The following TRPM3 variants were observed in gnomAD, a reference collection of about 807,000 sequenced individuals.
The protein encoded by TRPM3 is long transient receptor potential channel 3.
Under a neutral mutation model 181.2 loss-of-function variants are expected in TRPM3, and 77 were observed. The ratio of observed to expected loss-of-function variants is 0.42; its 90% CI spans 0.35 to 0.51. TRPM3 has a LOEUF of 0.51. Among genes scored for constraint, TRPM3 ranks in the 20% least tolerant of loss-of-function variants. The pLI is 0.01. For synonymous variants in TRPM3, 745 were observed against 796.4 expected, an observed-to-expected ratio of 0.94 and a Z score of 1.09; for missense variants, 1,759 against 2,196.7, an observed-to-expected ratio of 0.80 and a Z score of 3.98.
chr9:71,274,657 G>C (rs563656141), intron 1 of TRPM3, among the ~76,000 whole-genome samples: 1 of 152,296 alleles, frequency 6.6e-6, no homozygotes, highest in East Asian at 1.9e-4. Context: ...TTCTGAGGAT[G>C]CTTTCTGCAC....
At chr9:70,582,782 TC>T (rs2056228776) in intron 22 of TRPM3, among the ~76,000 whole-genome samples, 1 of 152,210 alleles carries the variant, frequency 6.6e-6, no homozygotes, top group Non-Finnish European at 1.5e-5. Flanking sequence ...ACAGGGCTAT[TC>T]TGAAGAATTT....
At position 70,615,900 on chromosome 9, in the gene TRPM3, TTTC is replaced by T; in HGVS notation, c.2526+5_2526+7del. 1 of 1,595,310 alleles carries T rather than the reference TTTC, an allele frequency of 6.3e-7. No homozygotes were observed. The highest frequency in any genetic ancestry group is 8.5e-7 in the Non-Finnish European group (1 of 1,174,648). ...CCCATAGAGAATAACTGTGCAATGT[TTTC>T]TTACTGTGAGCTCCATGTCCTCTTC... On this transcript the variant is annotated splice_donor_5th_base_variant and intron_variant, in intron 18 of 25. Transcript: ENST00000677713.
intron 24 of TRPM3, among the ~76,000 whole-genome samples, chr9:70,551,761 C>T (rs1438783121): frequency 6.6e-6 from 1 of 152,170 alleles, no homozygotes. Flanking sequence ...CCATGCTCCT[C>T]CACATTGGCT....
At chr9:71,423,977 A>T (rs1412658668) in intron 1 of TRPM3, among the ~76,000 whole-genome samples, 2 of 152,144 alleles carry the variant, frequency 1.3e-5, no homozygotes, top group Non-Finnish European at 2.9e-5. Context: ...GAATGATGTC[A>T]GGCTGGCTGA....
intron 6 of TRPM3, among the ~76,000 whole-genome samples, chr9:70,786,310 C>CCAAAAAAAAAAAAAAAAAAAAA (rs2083577835): frequency 3.6e-5 from 1 of 27,618 alleles, no homozygotes; most frequent in Non-Finnish European, 8.5e-5. Flanking sequence ...ACTAAAAATA[C>CCAAAAAAAAAAAAAAAAAAAAA]CAAAAAAAAA....
intron 6 of TRPM3, among the ~76,000 whole-genome samples, chr9:70,815,035 G>T (rs182969106): frequency 2.1e-3 from 326 of 151,970 alleles, no homozygotes; most frequent in African/African-American, 7.6e-3. Context: ...CCCACCTCAA[G>T]TCTCACTCCC....
At chr9:70,605,876 C>T (rs986446032) in intron 19 of TRPM3, among the ~76,000 whole-genome samples, 4 of 152,204 alleles carry the variant, frequency 2.6e-5, no homozygotes, top group African/African-American at 9.7e-5. Flanking sequence ...AAAGCATTAT[C>T]TTCTCTTGTC....
chr9:70,675,639 C>T (rs1306653288), intron 9 of TRPM3, among the ~76,000 whole-genome samples: 2 of 152,086 alleles, frequency 1.3e-5, no homozygotes, highest in Non-Finnish European at 2.9e-5. Flanking sequence ...ATTCATATAT[C>T]TCTTGCTTAA....
At chr9:70,808,954 G>A (rs1047804493) in intron 6 of TRPM3, among the ~76,000 whole-genome samples, 17 of 152,150 alleles carry the variant, frequency 1.1e-4, no homozygotes. Context: ...AAATACAATG[G>A]TGGTCCCATA....
rs1206946728 is a variant in TRPM3 at position 70,625,987 on chromosome 9, AGG to A, written c.1633-472_1633-471del. ...TGAACATCCCTTGCATTTAAAGAGA[AGG>A]GGGAGAGAAATTGGAGGAGACATTT... is the stretch of plus-strand genomic sequence containing the variant. On this transcript the variant is annotated intron_variant, in intron 12 of 25. Coordinates refer to ENST00000677713, the MANE Select transcript of TRPM3 (RefSeq NM_001366145.2). This position sits in a 1 kb window ranked among gnomAD's most constrained non-coding sequence, Gnocchi z 4.8. Among the ~76,000 whole-genome samples, 1 of 152,174 alleles carries A rather than the reference AGG, an allele frequency of 6.6e-6. No homozygotes were observed. Among genetic ancestry groups the A allele is most frequent in the African/African-American group, 2.4e-5 (1 of 41,438 alleles).
intron 22 of TRPM3, among the ~76,000 whole-genome samples, chr9:70,586,329 A>G (rs984148419): frequency 6.6e-6 from 1 of 152,252 alleles, no homozygotes; most frequent in South Asian, 2.1e-4. Context: ...ACCTGTGAGA[A>G]AATGCTAATT....
At chr9:71,371,913 G>A (rs527749302) in intron 1 of TRPM3, among the ~76,000 whole-genome samples, 7 of 152,186 alleles carry the variant, frequency 4.6e-5, no homozygotes, top group African/African-American at 1.7e-4. Flanking sequence ...ACTATTTGCT[G>A]CACAGATCCT....
At chr9:71,331,412 G>A (rs2090099714) in intron 1 of TRPM3, among the ~76,000 whole-genome samples, 1 of 151,810 alleles carries the variant, frequency 6.6e-6, no homozygotes, top group South Asian at 2.1e-4. Context: ...AGATGGCACA[G>A]TAATAGTTGG....
Position 70,629,214 on chromosome 9 carries a change from C to CGGGGGGCG in TRPM3, c.1633-3698_1633-3697insCGCCCCCC, listed in dbSNP as rs749123989. Among the ~76,000 whole-genome samples, 4 of 19,672 alleles carry CGGGGGGCG rather than the reference C, an allele frequency of 2.0e-4. 2 individuals carry two copies. Among genetic ancestry groups the CGGGGGGCG allele is most frequent in the Admixed American group, 1.8e-3 (2 of 1,114 alleles). The allele number at this position is 19,672 out of a possible 152,430, so 12.9% of individuals were successfully genotyped here. On this transcript the variant is annotated intron_variant, in intron 12 of 25. Coordinates refer to ENST00000677713, the MANE Select transcript of TRPM3 (RefSeq NM_001366145.2). ...AGGATAAATGATTCTGTGACCAGTGCCGGGGGGGGGGGGGGCCTGCGTTCT... is the reference window on the plus strand; with the variant it reads ...AGGATAAATGATTCTGTGACCAGTGCGGGGGGCGCGGGGGGGGGGGGGGCCTGCGTTCT...
intron 9 of TRPM3, among the ~76,000 whole-genome samples, chr9:70,655,863 G>GA (rs1377709531): frequency 2.0e-5 from 3 of 151,792 alleles, no homozygotes; most frequent in Middle Eastern, 3.4e-3. Flanking sequence ...TCTAAGGTAG[G>GA]AAAAAAAGCT....
intron 1 of TRPM3, among the ~76,000 whole-genome samples, chr9:71,324,739 G>A (rs184608386): frequency 3.3e-5 from 5 of 152,036 alleles, no homozygotes; most frequent in African/African-American, 7.2e-5. Flanking sequence ...GCAGATAAAC[G>A]CATAAAGAAA....
intron 1 of TRPM3, among the ~76,000 whole-genome samples, chr9:71,064,422 G>T (rs547578041): frequency 2.1e-5 from 3 of 143,034 alleles, no homozygotes; most frequent in East Asian, 4.1e-4. Flanking sequence ...TATCACCATG[G>T]TTTTTTTTTT....
chr9:70,640,277 G>C (rs1169581613), intron 10 of TRPM3, among the ~76,000 whole-genome samples: 1 of 152,022 alleles, frequency 6.6e-6, no homozygotes, highest in Non-Finnish European at 1.5e-5. Flanking sequence ...TATTTTTTCA[G>C]ATGTATTCAA....
At chr9:71,115,461 G>A (rs995572091) in intron 1 of TRPM3, among the ~76,000 whole-genome samples, 1 of 152,166 alleles carries the variant, frequency 6.6e-6, no homozygotes, top group South Asian at 2.1e-4. Context: ...GTCACAGCCT[G>A]TAAAACTCTT....
Sources: gnomAD v4.1 joint callset for allele counts (sites outside exome capture counted in the v4.1 genomes callset) on GRCh38, gnomAD v4.1.1 for gene constraint, Gnocchi (gnomAD v3.1) non-coding constraint, MANE v1.5 for transcripts, NCBI Gene and HGNC (gene_info 2026-07-23, HGNC 2026-07-21) for gene names.